LOXHD1: variants seen among roughly 807,000 people sequenced by gnomAD.
The protein encoded by LOXHD1 is lipoxygenase homology domain-containing protein 1.
Under a neutral mutation model 248.2 loss-of-function variants are expected in LOXHD1, and 205 were observed. The observed-to-expected ratio is 0.83, with a 90% CI of 0.74 to 0.93. LOXHD1 has a LOEUF of 0.93. Among genes scored for constraint, LOXHD1 ranks in the 40% least tolerant of loss-of-function variants. LOXHD1 has a pLI of 0.00. For synonymous variants in LOXHD1, 1,113 were observed against 1,162.8 expected, an observed-to-expected ratio of 0.96 and a Z score of 0.87; for missense variants, 2,930 against 2,971.6, an observed-to-expected ratio of 0.99 and a Z score of 0.33.
chr18:46,597,402 T>C (rs1358431241), intron 8 of LOXHD1, among the ~76,000 whole-genome samples: 2 of 152,200 alleles, frequency 1.3e-5, no homozygotes, highest in African/African-American at 4.8e-5. Context: ...TCAGATTGGA[T>C]AATGATAAAG....
intron 23 of LOXHD1, chr18:46,544,759 A>T (rs1160650313): frequency 2.1e-6 from 1 of 468,844 alleles, no homozygotes; most frequent in Admixed American, 2.4e-5. Flanking sequence ...CTACCAGCAC[A>T]TTGTTGTAGT....
Position 46,533,261 on chromosome 18 carries a change from T to C in LOXHD1, c.4276A>G (p.Thr1426Ala). 1 of 1,551,764 alleles carries C rather than the reference T, an allele frequency of 6.4e-7. No homozygotes were observed. ...TCATATGGAACCAGTTCTCGAATGG[T>C]CTTTTTGTCATCCTCAGAGGTGGCA... ...WLATSEDDKK[T>A]IRELVPYDIF... is the part of the protein sequence containing the mutation. The change falls in exon 28 of 41, where the codon ACC becomes GCC. Residue 1426 changes from threonine (T) to alanine (A), a missense_variant. Thr to Ala is a moderately conservative substitution (Grantham distance 58). Coordinates refer to ENST00000642948, the MANE Select transcript of LOXHD1 (RefSeq NM_001384474.1).
At chr18:46,499,481 C>T (rs1423893004) in intron 37 of LOXHD1, among the ~76,000 whole-genome samples, 4 of 152,160 alleles carry the variant, frequency 2.6e-5, no homozygotes, top group Admixed American at 2.6e-4. Flanking sequence ...AATAACAAAG[C>T]AAACCTTTTG....
chr18:46,594,712 A>T (rs1325865954), intron 8 of LOXHD1, among the ~76,000 whole-genome samples: 1 of 152,208 alleles, frequency 6.6e-6, no homozygotes, highest in Non-Finnish European at 1.5e-5. Context: ...TCCTCTATAC[A>T]CAACACTCTC....
intron 6 of LOXHD1, among the ~76,000 whole-genome samples, chr18:46,609,563 A>G (rs1000882701): frequency 6.6e-6 from 1 of 152,234 alleles, no homozygotes; most frequent in East Asian, 1.9e-4. Context: ...ACCTTTTCCT[A>G]TCATTCTGTA....
At chr18:46,490,906 A>G (rs2033425377) in intron 37 of LOXHD1, among the ~76,000 whole-genome samples, 1 of 152,234 alleles carries the variant, frequency 6.6e-6, no homozygotes, top group Admixed American at 6.5e-5. Flanking sequence ...TGTCATGAAG[A>G]TGAGACCTTC....
chr18:46,528,286 A>C (rs2035911649), intron 29 of LOXHD1, among the ~76,000 whole-genome samples: 1 of 152,032 alleles, frequency 6.6e-6, no homozygotes, highest in East Asian at 1.9e-4. Flanking sequence ...ATTTCAGTGC[A>C]TGGAGAGGAG....
Position 46,601,419 on chromosome 18 carries a change from C to T in LOXHD1, c.932G>A (p.Gly311Asp), listed in dbSNP as rs940659821. 35 of 1,551,574 alleles carry T rather than the reference C, an allele frequency of 2.3e-5. No individual in the cohort carries two copies. Among genetic ancestry groups the T allele is most frequent in the Admixed American group, 3.9e-5 (2 of 50,978 alleles). ...GACCAAGTAGATTTTGGATTTGGTA[C>T]CAGCCCCCCGGACATCCCCAGTGAA... ...TVFTGDVRGA[G>D]TKSKIYLVMY... is the part of the protein sequence containing the mutation. Residue 311 changes from glycine to aspartate, a missense_variant, in exon 8 of 41, where the codon GGT becomes GAT. Physicochemically the swap from Gly to Asp is moderately conservative, Grantham distance 94. Transcript: ENST00000642948.
chr18:46,583,352 G>T (rs1418479340), intron 12 of LOXHD1, among the ~76,000 whole-genome samples: 1 of 152,034 alleles, frequency 6.6e-6, no homozygotes, highest in Non-Finnish European at 1.5e-5. Context: ...AAAAACTTTT[G>T]CACAGCAAAG....
At chr18:46,559,166 C>G in intron 20 of LOXHD1, 1 of 1,417,388 alleles carries the variant, frequency 7.1e-7, no homozygotes, top group Non-Finnish European at 9.3e-7. Flanking sequence ...CCCCGCATCC[C>G]TACCAAGTGC....
At chr18:46,592,792 G>A (rs1476949606) in intron 10 of LOXHD1, among the ~76,000 whole-genome samples, 2 of 152,128 alleles carry the variant, frequency 1.3e-5, no homozygotes, top group African/African-American at 4.8e-5. Context: ...GCCACAGAGG[G>A]CAAGGGTTCA....
intron 26 of LOXHD1, among the ~76,000 whole-genome samples, chr18:46,535,044 T>C (rs764952034): frequency 4.6e-5 from 7 of 152,266 alleles, no homozygotes; most frequent in Middle Eastern, 3.4e-3. Context: ...AATGATCACT[T>C]CCTCAGGAAA....
intron 37 of LOXHD1, among the ~76,000 whole-genome samples, chr18:46,500,490 GC>G (rs2034157500): frequency 6.6e-6 from 1 of 152,072 alleles, no homozygotes. Flanking sequence ...CATTCCCACT[GC>G]CATCATCGTG....
chr18:46,602,026 G>T (rs530604526), intron 7 of LOXHD1, among the ~76,000 whole-genome samples: 1 of 152,138 alleles, frequency 6.6e-6, no homozygotes. Context: ...AACATTGTTG[G>T]TTGGGCCATT....
chr18:46,602,530 G>A (rs148577980), intron 7 of LOXHD1, among the ~76,000 whole-genome samples: 1 of 151,904 alleles, frequency 6.6e-6, no homozygotes, highest in Non-Finnish European at 1.5e-5. Flanking sequence ...CTGTCCTGGG[G>A]TCTAAGGCGG....
intron 4 of LOXHD1, among the ~76,000 whole-genome samples, chr18:46,628,409 C>A (rs1025194690): frequency 1.2e-4 from 18 of 152,290 alleles, no homozygotes; most frequent in East Asian, 5.8e-4. Flanking sequence ...CCTGGGAATT[C>A]TTCCATGGAG....
chr18:46,533,026 C>A, intron 28 of LOXHD1, 136 bp downstream of exon 28: 1 of 877,492 alleles, frequency 1.1e-6, no homozygotes, highest in South Asian at 2.0e-5. Context: ...GCCTCAGTGG[C>A]CCTCTCTAGA....
At chr18:46,607,197 G>A (rs955860644) in intron 6 of LOXHD1, among the ~76,000 whole-genome samples, 5 of 151,418 alleles carry the variant, frequency 3.3e-5, no homozygotes, top group African/African-American at 1.2e-4. Context: ...TTGTAAAATA[G>A]CCATGTCATT....
At chr18:46,624,409 G>C (rs2038711005) in intron 4 of LOXHD1, among the ~76,000 whole-genome samples, 2 of 152,214 alleles carry the variant, frequency 1.3e-5, no homozygotes, top group Admixed American at 1.3e-4. Context: ...ACAGATGTGG[G>C]GAGGGGTTGG....
Sources: allele counts gnomAD v4.1 joint callset (sites outside exome capture counted in the v4.1 genomes callset), GRCh38; gene constraint gnomAD v4.1.1; transcripts MANE v1.5; gene names NCBI Gene and HGNC (gene_info 2026-07-23, HGNC 2026-07-21).